BCAS1: variants seen among roughly 807,000 people sequenced by gnomAD.
BCAS1 encodes the protein breast carcinoma-amplified sequence 1.
Under a neutral mutation model 65.4 loss-of-function variants are expected in BCAS1, and 46 were observed. The ratio of observed to expected loss-of-function variants is 0.70; its 90% CI spans 0.55 to 0.90. The LOEUF (loss-of-function observed/expected upper bound fraction) is 0.90, where lower values mean the gene tolerates loss of function less well. Among genes scored for constraint, BCAS1 ranks in the 40% least tolerant of loss-of-function variants. BCAS1 has a pLI of 0.00. For missense variants in BCAS1, 793 were observed against 771.2 expected (o/e 1.03, Z -0.33); for synonymous variants, 298 against 293.5 (o/e 1.02, Z -0.16).
chr20:53,991,119 A>T (rs1158478354), intron 7 of BCAS1, among the ~76,000 whole-genome samples: 1 of 152,194 alleles, frequency 6.6e-6, no homozygotes, highest in Non-Finnish European at 1.5e-5. Flanking sequence ...AACATCATAC[A>T]CTTCTTAAAC....
chr20:54,036,887 T>C (rs2146172943), intron 3 of BCAS1, among the ~76,000 whole-genome samples: 1 of 151,434 alleles, frequency 6.6e-6, no homozygotes, highest in African/African-American at 2.4e-5. Context: ...TTAAGAAACA[T>C]AAGTATCTGG....
At position 54,028,781 on chromosome 20, in the gene BCAS1, C is replaced by T. The variant is rs201371925; in HGVS notation, c.334G>A (p.Ala112Thr). The T allele has an allele frequency of 1.2e-4, 198 of 1,614,192 alleles. 1 individual carries two copies. The Middle Eastern group carries it at 3.3e-3, about 27-fold the overall frequency. ...PVPGRTGDQA[A>T]DSSLGSVKLD... is the part of the protein sequence containing the mutation. ...TTCACTGATCCAAGGGATGAATCTG[C>T]GGCTTGGTCTCCGGTACGTCCTGGT... The change falls in exon 4 of 13, where the codon GCA (alanine) becomes ACA (threonine). Residue 112 changes from alanine to threonine, a missense_variant. Ala to Thr is a moderately conservative substitution (Grantham distance 58, BLOSUM62 0). Transcript: ENST00000688948.
rs2089257029 is a variant in BCAS1, at chr20:53,944,886, T to G, written c.*36A>C. ...ATGGAGTAAGGAGAACACATCTTGG[T>G]GGCAGGAGAACCTGGTGGGAACCGT... is the stretch of plus-strand genomic sequence containing the variant. On this transcript the variant is annotated 3_prime_UTR_variant, in exon 13 of 13. Transcript: ENST00000688948. The G allele has an allele frequency of 6.3e-7, 1 of 1,586,106 alleles. No homozygotes were observed. Among genetic ancestry groups the G allele is most frequent in the South Asian group, 1.1e-5 (1 of 90,460 alleles).
At chr20:54,032,755 A>C (rs2091827942) in intron 3 of BCAS1, among the ~76,000 whole-genome samples, 1 of 151,390 alleles carries the variant, frequency 6.6e-6, no homozygotes, top group South Asian at 2.1e-4. Flanking sequence ...TAAAGTGTTA[A>C]ATTAAACAAG....
chr20:54,026,726 T>C (rs1048809641), intron 4 of BCAS1, among the ~76,000 whole-genome samples: 5 of 152,246 alleles, frequency 3.3e-5, no homozygotes, highest in Non-Finnish European at 7.3e-5. Flanking sequence ...GTTTCTCCCA[T>C]ATGCAGGAAT....
intron 4 of BCAS1, among the ~76,000 whole-genome samples, chr20:54,020,458 G>A (rs919889247): frequency 1.4e-4 from 21 of 152,144 alleles, no homozygotes; most frequent in African/African-American, 3.4e-4. Context: ...AAGTGAAATC[G>A]TATACACCAC....
chr20:53,950,221 T>C (rs1172434885), intron 12 of BCAS1, among the ~76,000 whole-genome samples: 1 of 151,964 alleles, frequency 6.6e-6, no homozygotes, highest in African/African-American at 2.4e-5. Flanking sequence ...ACCCTACCTC[T>C]CCACCCTCAG....
intron 12 of BCAS1, 81 bp from the exon 13 acceptor site, chr20:53,945,077 ACTCT>A: frequency 4.2e-6 from 5 of 1,190,172 alleles, no homozygotes; most frequent in Non-Finnish European, 6.3e-6. Context: ...TGTAGCACTT[ACTCT>A]GTGCTAGGTG....
chr20:54,027,981 G>A (rs1443929452), intron 4 of BCAS1, among the ~76,000 whole-genome samples: 1 of 152,200 alleles, frequency 6.6e-6, no homozygotes, highest in Non-Finnish European at 1.5e-5. Context: ...GGGACGAAAT[G>A]TGTTCCAACA....
At chr20:54,031,909 A>G (rs1158812249) in intron 3 of BCAS1, among the ~76,000 whole-genome samples, 1 of 151,114 alleles carries the variant, frequency 6.6e-6, no homozygotes, top group African/African-American at 2.4e-5. Flanking sequence ...TGAAAAACAT[A>G]TTTCAGGAGT....
intron 1 of BCAS1, among the ~76,000 whole-genome samples, chr20:54,069,879 G>T (rs1190658675): frequency 6.6e-6 from 1 of 152,230 alleles, no homozygotes; most frequent in Non-Finnish European, 1.5e-5. Flanking sequence ...CAGGAAACTG[G>T]TTCAGAGGGA....
At chr20:54,040,398 G>A (rs2091969354) in intron 3 of BCAS1, among the ~76,000 whole-genome samples, 1 of 151,142 alleles carries the variant, frequency 6.6e-6, no homozygotes, top group African/African-American at 2.4e-5. Context: ...GTCAGCTGTG[G>A]AGATACGGTT....
At chr20:54,041,102 A>G (rs1012720132) in intron 3 of BCAS1, among the ~76,000 whole-genome samples, 1 of 151,470 alleles carries the variant, frequency 6.6e-6, no homozygotes, top group Non-Finnish European at 1.5e-5. Context: ...GTATGATTCC[A>G]TTTATATAAA....
intron 4 of BCAS1, among the ~76,000 whole-genome samples, chr20:53,999,544 T>C (rs1748700243): frequency 6.6e-6 from 1 of 152,084 alleles, no homozygotes; most frequent in Non-Finnish European, 1.5e-5. Flanking sequence ...TCCATTCTCA[T>C]TGCTTTCCTG....
chr20:53,946,067 C>T (rs12480336), intron 12 of BCAS1, among the ~76,000 whole-genome samples: 32,090 of 151,960 alleles, frequency 0.21, 3,702 homozygotes, highest in East Asian at 0.38. Flanking sequence ...AGCCACTATG[C>T]CTAGCCTGAG....
At chr20:54,016,449 T>A (rs1476510471) in intron 4 of BCAS1, among the ~76,000 whole-genome samples, 1 of 152,240 alleles carries the variant, frequency 6.6e-6, no homozygotes, top group Admixed American at 6.5e-5. Flanking sequence ...ATATTTGTCT[T>A]CTCTTCATGC....
At chr20:54,019,817 C>G (rs2146025138) in intron 4 of BCAS1, among the ~76,000 whole-genome samples, 3 of 152,290 alleles carry the variant, frequency 2.0e-5, no homozygotes, top group Non-Finnish European at 4.4e-5. Flanking sequence ...GGACTTACAC[C>G]AGTGGTTTGC....
chr20:54,020,615 T>C lies in BCAS1; in HGVS notation c.723+7777A>G, dbSNP rs539896161. On this transcript the variant is annotated intron_variant, in intron 4 of 12. Transcript: ENST00000688948. ...GGTTCATTTAACAAACATTATTGGA[T>C]GCCAACATGTGCCAGCCATTGTGCT... Among the ~76,000 whole-genome samples, 15 of 152,342 alleles carry C rather than the reference T, an allele frequency of 9.8e-5. No individual in the cohort carries two copies. In the East Asian group the frequency reaches 2.5e-3, roughly 25 times the overall value.
intron 4 of BCAS1, among the ~76,000 whole-genome samples, chr20:54,009,818 A>G (rs2091282639): frequency 6.6e-6 from 1 of 152,222 alleles, no homozygotes; most frequent in African/African-American, 2.4e-5. Context: ...GTATAGATGC[A>G]AACATTCTTT....
Sources: gnomAD v4.1 joint callset for allele counts (sites outside exome capture counted in the v4.1 genomes callset) on GRCh38, gnomAD v4.1.1 for gene constraint, MANE v1.5 for transcripts, NCBI Gene and HGNC (gene_info 2026-07-23, HGNC 2026-07-21) for gene names.